The following LRRC9 variants were observed in gnomAD, a reference collection of about 807,000 sequenced individuals.
The protein encoded by LRRC9 is leucine-rich repeat-containing protein 9.
In LRRC9, 122 loss-of-function variants were observed where a neutral mutation model predicts 63.2. The observed-to-expected ratio is 1.93, with a 90% CI of 1.67 to 2.24. The LOEUF is 2.24. Ranked by LOEUF, LRRC9 falls within the 30% of genes most tolerant of loss-of-function variation. The pLI is 0.00. For synonymous variants in LRRC9, 366 were observed against 213.1 expected (o/e 1.72, Z -6.25); for missense variants, 1,071 against 627.7 (o/e 1.71, Z -7.55).
intron 29 of LRRC9, among the ~76,000 whole-genome samples, chr14:60,041,099 T>C (rs1012738596): frequency 1.3e-5 from 2 of 151,976 alleles, no homozygotes; most frequent in Admixed American, 1.3e-4. Flanking sequence ...CACTCTCTTC[T>C]GGCTCGTACA....
At chr14:59,925,265 T>A (rs1324045178) in intron 1 of LRRC9, among the ~76,000 whole-genome samples, 1 of 152,168 alleles carries the variant, frequency 6.6e-6, no homozygotes, top group East Asian at 1.9e-4. Flanking sequence ...AATGGGCAAT[T>A]TAAAAACAAC....
At chr14:60,011,516 A>T (rs975246456) in intron 23 of LRRC9, among the ~76,000 whole-genome samples, 10 of 152,206 alleles carry the variant, frequency 6.6e-5, no homozygotes, top group African/African-American at 1.9e-4. Context: ...ACCCTATAGG[A>T]TCTTACAGTC....
chr14:60,028,842 A>T (rs1281671331), intron 28 of LRRC9, among the ~76,000 whole-genome samples: 1 of 152,108 alleles, frequency 6.6e-6, no homozygotes, highest in Non-Finnish European at 1.5e-5. Flanking sequence ...CCACATTTCT[A>T]TCAGTATATA....
chr14:59,955,835 T>A (rs1481101335), intron 8 of LRRC9, among the ~76,000 whole-genome samples: 1 of 152,220 alleles, frequency 6.6e-6, no homozygotes, highest in Non-Finnish European at 1.5e-5. Context: ...TTCTGGTACG[T>A]TGTCTCTTTG....
At chr14:60,035,607 T>C (rs1299639382) in intron 29 of LRRC9, among the ~76,000 whole-genome samples, 1 of 152,212 alleles carries the variant, frequency 6.6e-6, no homozygotes, top group African/African-American at 2.4e-5. Context: ...GTCATTTTCT[T>C]ATTGTAAGTT....
intron 12 of LRRC9, among the ~76,000 whole-genome samples, chr14:59,974,192 T>C (rs985344780): frequency 3.3e-5 from 5 of 152,082 alleles, no homozygotes; most frequent in African/African-American, 9.7e-5. Flanking sequence ...CCAAAAATTA[T>C]AGTATAAACA....
intron 10 of LRRC9, among the ~76,000 whole-genome samples, chr14:59,965,914 A>AAAAAAAAAAAAAAAAAAAAAAAAAAC (rs1884804130): frequency 7.0e-6 from 1 of 143,274 alleles, no homozygotes; most frequent in Non-Finnish European, 1.5e-5. Context: ...AAAAAAAAAA[A>AAAAAAAAAAAAAAAAAAAAAAAAAAC]AAAAAAGATA....
At chr14:59,946,310 AAATT>A (rs1212043212) in intron 8 of LRRC9, among the ~76,000 whole-genome samples, 12 of 150,796 alleles carry the variant, frequency 8.0e-5, no homozygotes, top group African/African-American at 2.9e-4. Context: ...ATTAAAATTA[AAATT>A]AATAATAAAA....
chr14:59,936,918 T>C lies in LRRC9; in HGVS notation c.544-1472T>C, dbSNP rs1890182015. The stretch of plus-strand genomic sequence containing the variant: ...GACCTAATGCTTCCTAGTTCTTCCT[T>C]TGGATTTCCCTTAACTCTGATTCTG... On this transcript the variant is annotated intron_variant, in intron 6 of 31. Transcript: ENST00000445360. The surrounding 1 kb of genome is among the most constrained non-coding windows in gnomAD (Gnocchi z 4.2). 6.6e-6 allele frequency among the ~76,000 whole-genome samples: 1 copy of C among 152,170 alleles called. No individual in the cohort carries two copies. Among genetic ancestry groups the C allele is most frequent in the Admixed American group, 6.5e-5 (1 of 15,270 alleles).
chr14:59,939,084 CAT>C (rs940483370), intron 7 of LRRC9, among the ~76,000 whole-genome samples: 6 of 146,788 alleles, frequency 4.1e-5, no homozygotes, highest in East Asian at 2.0e-4. Flanking sequence ...CATATATACA[CAT>C]ATATACATAT....
At chr14:59,991,336 C>A (rs1400440379) in intron 17 of LRRC9, among the ~76,000 whole-genome samples, 1 of 152,082 alleles carries the variant, frequency 6.6e-6, no homozygotes, top group Non-Finnish European at 1.5e-5. Context: ...TGTATCGGGG[C>A]AGAGCCAAGA....
intron 1 of LRRC9, among the ~76,000 whole-genome samples, chr14:59,921,501 G>A (rs1888772330): frequency 1.3e-5 from 2 of 152,082 alleles, no homozygotes; most frequent in Non-Finnish European, 2.9e-5. Flanking sequence ...ATATGCAGAA[G>A]GATTTAATGA....
At chr14:60,000,519 A>G (rs1014679710) in intron 19 of LRRC9, among the ~76,000 whole-genome samples, 4 of 152,176 alleles carry the variant, frequency 2.6e-5, no homozygotes, top group African/African-American at 9.6e-5. Flanking sequence ...ATTGGCACAG[A>G]GCTAGACAAA....
rs938232927 is a variant in LRRC9 at position 59,930,614 on chromosome 14, A to G, written c.268-304A>G. Among the ~76,000 whole-genome samples the G allele has an allele frequency of 5.3e-5, 8 of 151,822 alleles. No homozygotes were observed. Among genetic ancestry groups the G allele is most frequent in the African/African-American group, 1.7e-4 (7 of 41,418 alleles). On this transcript the variant is annotated intron_variant, in intron 3 of 31. Transcript: ENST00000445360. This position sits in a 1 kb window ranked among gnomAD's most constrained non-coding sequence, Gnocchi z 4.9. Reference sequence around the variant, plus strand: ...TAACCATATGATCATAATCATTTCTATATGATTATAATCATAACCATATAG... The same window carrying G: ...TAACCATATGATCATAATCATTTCTGTATGATTATAATCATAACCATATAG...
rs988512767 is a variant in LRRC9, at chr14:59,969,311, T to G, written c.1506+2098T>G. On this transcript the variant is annotated intron_variant, in intron 12 of 31. Transcript: ENST00000445360. ...TATTCGCTTCCTTTTTGTTCCCCAT[T>G]TTGCTTCTAAACATGGGAATACCAC... 5.3e-5 allele frequency: 8 copies of G among 152,278 alleles called. No individual in the cohort carries two copies. In the East Asian group the frequency reaches 1.5e-3, roughly 29 times the overall value. The allele number at this position is 152,278 out of a possible 1,614,324, so 9.4% of individuals were successfully genotyped here.
exon 5 of LRRC9, chr14:59,931,620 G>A: frequency 1.4e-6 from 1 of 698,238 alleles, no homozygotes; most frequent in Non-Finnish European, 2.6e-6. Context: ...AATTTTTAGG[G>A]TTTGCAAACT....
chr14:60,005,809 C>T (rs1365923237), intron 21 of LRRC9, among the ~76,000 whole-genome samples: 2 of 152,040 alleles, frequency 1.3e-5, no homozygotes, highest in East Asian at 3.9e-4. Flanking sequence ...ACTAGGATTC[C>T]GAAGTTCTTG....
chr14:60,005,381 A>T (rs866197398), intron 21 of LRRC9, among the ~76,000 whole-genome samples: 8 of 152,156 alleles, frequency 5.3e-5, no homozygotes, highest in Middle Eastern at 3.4e-3. Flanking sequence ...TAAAAACCCT[A>T]TTTCCTTTTC....
At position 59,922,168 on chromosome 14, in the gene LRRC9, G is replaced by A. The variant is rs546970650; in HGVS notation, c.-34+2285G>A. ...AGTTTGAAATAACAAGTAGAGAGAA[G>A]CCAAGGAGAAAAGTTGAACCAAAGA... is the stretch of plus-strand genomic sequence containing the variant. On this transcript the variant is annotated intron_variant, in intron 1 of 31. Coordinates refer to ENST00000445360, the Ensembl canonical transcript of LRRC9. This position sits in a 1 kb window ranked among gnomAD's most constrained non-coding sequence, Gnocchi z 5.3. 1.3e-5 allele frequency among the ~76,000 whole-genome samples: 2 copies of A among 152,212 alleles called. No homozygotes were observed. The highest frequency in any genetic ancestry group is 2.4e-5 in the African/African-American group (1 of 41,554).
Sources: allele counts gnomAD v4.1 joint callset (sites outside exome capture counted in the v4.1 genomes callset), GRCh38; gene constraint gnomAD v4.1.1; non-coding constraint Gnocchi (gnomAD v3.1); transcripts MANE v1.5; gene names NCBI Gene and HGNC (gene_info 2026-07-23, HGNC 2026-07-21).